SYCP1: variants seen among roughly 807,000 people sequenced by gnomAD.
SYCP1 encodes cancer/testis antigen 8.
In SYCP1, 64 loss-of-function variants were observed where a neutral mutation model predicts 153.1. That is an observed-to-expected ratio of 0.42 (90% CI 0.34 to 0.51). The LOEUF is 0.51. Ranked by LOEUF, SYCP1 falls within the 20% of genes least tolerant of loss-of-function variation. SYCP1 has a pLI of 0.06. For synonymous variants in SYCP1, 384 were observed against 341.8 expected (o/e 1.12, Z -1.36); for missense variants, 997 against 1,049.0 (o/e 0.95, Z 0.68).
At chr1:114,958,237 A>T (rs1201532475) in intron 27 of SYCP1, among the ~76,000 whole-genome samples, 1 of 152,008 alleles carries the variant, frequency 6.6e-6, no homozygotes, top group African/African-American at 2.4e-5. Context: ...AGCTTAAAAA[A>T]TTATCTCATG....
chr1:114,978,781 GT>G (rs910913304), intron 28 of SYCP1, among the ~76,000 whole-genome samples: 7 of 151,606 alleles, frequency 4.6e-5, no homozygotes, highest in African/African-American at 1.7e-4. Flanking sequence ...TGCTTTGTAT[GT>G]TCCAGACACT....
At chr1:114,906,640 C>A (rs910586300) in intron 16 of SYCP1, among the ~76,000 whole-genome samples, 1 of 152,130 alleles carries the variant, frequency 6.6e-6, no homozygotes, top group Admixed American at 6.5e-5. Flanking sequence ...TGTTCAATTT[C>A]CATGTATTTG....
intron 20 of SYCP1, among the ~76,000 whole-genome samples, chr1:114,919,069 T>A (rs952460771): frequency 6.6e-6 from 1 of 152,098 alleles, no homozygotes; most frequent in Non-Finnish European, 1.5e-5. Context: ...AAAGTGGGCA[T>A]CCTTGCTGTG....
At chr1:114,982,143 C>G (rs1211278420) in intron 29 of SYCP1, among the ~76,000 whole-genome samples, 2 of 151,924 alleles carry the variant, frequency 1.3e-5, no homozygotes, top group Non-Finnish European at 2.9e-5. Flanking sequence ...TCCTTTTCCT[C>G]TCCTCAGCTA....
chr1:114,855,444 T>G lies in SYCP1; in HGVS notation c.-21T>G. The G allele has an allele frequency of 6.2e-7, 1 of 1,601,052 alleles. No individual in the cohort carries two copies. The highest frequency in any genetic ancestry group is 8.5e-7 in the Non-Finnish European group (1 of 1,172,062). ...TCCCGCCCCCCCGGGGCAGTAGATATTTACAACCGTAACAGAGAAAATGGA... is the reference window on the plus strand; with the variant it reads ...TCCCGCCCCCCCGGGGCAGTAGATAGTTACAACCGTAACAGAGAAAATGGA... On this transcript the variant is annotated 5_prime_UTR_variant, in exon 2 of 32. Transcript: ENST00000369522.
chr1:114,913,012 A>G (rs1259765256), intron 18 of SYCP1, 21 bp from the exon 19 acceptor site: 1 of 1,483,016 alleles, frequency 6.7e-7, no homozygotes, highest in African/African-American at 1.5e-5. Flanking sequence ...TTTTGGTATG[A>G]CTTTTTTTTT....
In SYCP1 at chr1:114,926,570, G is replaced by A. The variant is rs1400026340; in HGVS notation, c.1926+7G>A. ...GAATGTTTATGAGATAAAGGTATTTGGCATCTTTATTTTTGTTTTTTAAAT... is the reference window on the plus strand; with the variant it reads ...GAATGTTTATGAGATAAAGGTATTTAGCATCTTTATTTTTGTTTTTTAAAT... On this transcript the variant is annotated splice_region_variant and intron_variant, in intron 23 of 31. Transcript: ENST00000369522. 3 of 1,572,966 alleles carry A rather than the reference G, an allele frequency of 1.9e-6. No homozygotes were observed. The highest frequency in any genetic ancestry group is 1.8e-5 in the Admixed American group (1 of 56,070).
chr1:114,989,527 A>C (rs1034526076), intron 30 of SYCP1, among the ~76,000 whole-genome samples: 4 of 152,006 alleles, frequency 2.6e-5, no homozygotes, highest in Non-Finnish European at 5.9e-5. Context: ...CATTACTTTA[A>C]ATGTAAATAG....
At chr1:114,859,840 T>C in intron 7 of SYCP1, 30 bp downstream of exon 7, 3 of 631,264 alleles carry the variant, frequency 4.8e-6, no homozygotes, top group Non-Finnish European at 6.8e-6. Flanking sequence ...ATTTGTTCTT[T>C]TCACATTTTT....
intron 30 of SYCP1, among the ~76,000 whole-genome samples, chr1:114,991,230 TA>T (rs1246408162): frequency 6.6e-6 from 1 of 151,914 alleles, no homozygotes; most frequent in African/African-American, 2.4e-5. Context: ...GTTAAGACCT[TA>T]AAAATAATTA....
chr1:114,908,690 C>G (rs1479531490), intron 16 of SYCP1, among the ~76,000 whole-genome samples: 1 of 151,904 alleles, frequency 6.6e-6, no homozygotes, highest in East Asian at 1.9e-4. Flanking sequence ...TCCATTTGTT[C>G]TTATTTTCTA....
At chr1:114,923,413 T>G in intron 20 of SYCP1, 36 bp from the exon 21 acceptor site, 1 of 1,522,770 alleles carries the variant, frequency 6.6e-7, no homozygotes, top group Non-Finnish European at 8.9e-7. Context: ...GGCCTAATAA[T>G]TTTTAGTATA....
At chr1:114,920,439 A>C (rs947953758) in intron 20 of SYCP1, among the ~76,000 whole-genome samples, 3 of 152,126 alleles carry the variant, frequency 2.0e-5, no homozygotes, top group Admixed American at 6.6e-5. Flanking sequence ...GCTTAGGAGA[A>C]GGATGTTTAT....
chr1:114,894,360 C>G (rs1012119796), intron 15 of SYCP1, among the ~76,000 whole-genome samples: 1 of 151,784 alleles, frequency 6.6e-6, no homozygotes, highest in Non-Finnish European at 1.5e-5. Context: ...CAATAAGGAC[C>G]CTTAACAGTG....
At chr1:114,906,360 T>C (rs1329395974) in intron 16 of SYCP1, among the ~76,000 whole-genome samples, 2 of 152,136 alleles carry the variant, frequency 1.3e-5, no homozygotes, top group East Asian at 3.8e-4. Flanking sequence ...TGTTTTTCTG[T>C]TTTCAATCTC....
intron 8 of SYCP1, among the ~76,000 whole-genome samples, chr1:114,871,207 G>A (rs1270336816): frequency 5.2e-5 from 7 of 133,710 alleles, no homozygotes; most frequent in Non-Finnish European, 6.3e-5. Flanking sequence ...TTGTTTTATT[G>A]CCCAGATTGG....
intron 20 of SYCP1, among the ~76,000 whole-genome samples, chr1:114,915,265 T>A (rs193253281): frequency 7.0e-4 from 106 of 152,278 alleles, no homozygotes; most frequent in Admixed American, 2.4e-3. Flanking sequence ...TTGGTAGCCA[T>A]CACTACAAAG....
intron 16 of SYCP1, among the ~76,000 whole-genome samples, chr1:114,897,936 A>G (rs916445208): frequency 4.6e-5 from 7 of 152,166 alleles, no homozygotes; most frequent in African/African-American, 1.7e-4. Context: ...GGGTGGAAGT[A>G]TCTGCTCTTA....
chr1:114,947,355 A>G (rs780523641), intron 27 of SYCP1, 35 bp downstream of exon 27: 1 of 1,512,826 alleles, frequency 6.6e-7, no homozygotes, highest in Non-Finnish European at 9.1e-7. Flanking sequence ...AAATGATTAC[A>G]AGGTTTAGGG....
Sources: allele counts gnomAD v4.1 joint callset (sites outside exome capture counted in the v4.1 genomes callset), GRCh38; gene constraint gnomAD v4.1.1; transcripts MANE v1.5; gene names NCBI Gene and HGNC (gene_info 2026-07-23, HGNC 2026-07-21).